MCF2: variants seen among roughly 807,000 people sequenced by gnomAD.
MCF2 encodes the protein proto-oncogene DBL.
In MCF2, 44 loss-of-function variants were observed where a neutral mutation model predicts 82.5. The ratio of observed to expected loss-of-function variants is 0.53; its 90% CI spans 0.42 to 0.69. The LOEUF (loss-of-function observed/expected upper bound fraction) is 0.69, where lower values mean the gene tolerates loss of function less well. Ranked by LOEUF, MCF2 falls within the 30% of genes least tolerant of loss-of-function variation. The probability of loss-of-function intolerance (pLI) is 0.00; values close to 1 mark genes in which losing one functional copy is unlikely to be tolerated. For missense variants in MCF2, 623 were observed against 663.1 expected, an observed-to-expected ratio of 0.94 and a Z score of 0.66; for synonymous variants, 217 against 224.9, an observed-to-expected ratio of 0.96 and a Z score of 0.32.
chrX:139,606,870 G>A (rs971573268), intron 12 of MCF2, among the ~76,000 whole-genome samples: 1 of 109,496 alleles, frequency 9.1e-6, no homozygotes, highest in African/African-American at 3.3e-5. Flanking sequence ...ATAAATATGT[G>A]TCTGTATATA....
intron 10 of MCF2, among the ~76,000 whole-genome samples, chrX:139,612,005 A>G (rs1931532149): frequency 9.0e-6 from 1 of 110,831 alleles, no homozygotes; most frequent in African/African-American, 3.3e-5. Context: ...AGTGGAAGAG[A>G]CAGAAAGACT....
intron 1 of MCF2, among the ~76,000 whole-genome samples, chrX:139,680,398 C>G (rs999368290): frequency 8.9e-6 from 1 of 112,198 alleles, no homozygotes; most frequent in Non-Finnish European, 1.9e-5. Flanking sequence ...TCTCTTCATC[C>G]GACATTTTGA....
At chrX:139,604,605 C>A (rs1012708793) in intron 15 of MCF2, 76 bp downstream of exon 19, 4 of 647,835 alleles carry the variant, frequency 6.2e-6, no homozygotes, top group Non-Finnish European at 9.1e-6. Flanking sequence ...TATCTTGTCT[C>A]CAAATCTGTT....
At chrX:139,616,197 T>A (rs1931875773) in intron 9 of MCF2, 85 bp downstream of exon 12, 1 of 486,811 alleles carries the variant, frequency 2.1e-6, no homozygotes, top group African/African-American at 2.5e-5. Context: ...TAAAGTTAGC[T>A]GTGAGGTAGT....
chrX:139,631,238 T>G, intron 3 of MCF2, among the ~76,000 whole-genome samples, 157 bp downstream of exon 6: 1 of 111,685 alleles, frequency 9.0e-6, no homozygotes, highest in Non-Finnish European at 1.9e-5. Flanking sequence ...ACCAAGATGT[T>G]GAATTTATAT....
intron 1 of MCF2, among the ~76,000 whole-genome samples, chrX:139,661,970 TC>T (rs1813710091): frequency 9.0e-6 from 1 of 111,228 alleles, no homozygotes; most frequent in African/African-American, 3.3e-5. Context: ...CATAGTCACT[TC>T]CCCAAAGGAA....
chrX:139,608,602 G>T (rs143699336), intron 11 of MCF2, among the ~76,000 whole-genome samples: 1,308 of 110,621 alleles, frequency 0.012, 21 homozygotes, highest in African/African-American at 0.04. Flanking sequence ...CATTTCTTTG[G>T]GACAACTAGA....
chrX:139,651,615 AATAGCTCTATAT>A (rs1316982947), intron 2 of MCF2, 93 bp downstream of exon 2: 70 of 427,176 alleles, frequency 1.6e-4, no homozygotes, highest in Non-Finnish European at 2.8e-4. Context: ...GAATATATAT[AATAGCTCTATAT>A]ATAGAGAGCG....
upstream of MCF2, among the ~76,000 whole-genome samples, chrX:139,643,467 G>C (rs1933679015): frequency 1.8e-5 from 2 of 111,586 alleles, no homozygotes; most frequent in South Asian, 7.5e-4. Context: ...TGTAATTAAT[G>C]TGCTCTTGAG....
intron 1 of MCF2, among the ~76,000 whole-genome samples, chrX:139,693,073 G>A (rs1935310599): frequency 9.0e-6 from 1 of 111,498 alleles, no homozygotes; most frequent in Non-Finnish European, 1.9e-5. Context: ...CTCCTTCCTT[G>A]CCCTGAACCC....
intron 17 of MCF2, among the ~76,000 whole-genome samples, chrX:139,598,034 T>G (rs1325442929): frequency 8.9e-6 from 1 of 111,772 alleles, no homozygotes; most frequent in African/African-American, 3.2e-5. Context: ...ACTAGGGGAG[T>G]GCCATTCGCA....
At chrX:139,594,425 A>G (rs1220858748) in intron 19 of MCF2, among the ~76,000 whole-genome samples, 3 of 109,989 alleles carry the variant, frequency 2.7e-5, no homozygotes, top group African/African-American at 1.0e-4. Context: ...AATGCCGCAT[A>G]TCTACAACTA....
chrX:139,588,493 G>GAA, intron 20 of MCF2, 55 bp from the exon 25 acceptor site: 1 of 730,036 alleles, frequency 1.4e-6, no homozygotes, highest in Non-Finnish European at 2.1e-6. Context: ...TTTTAAAAAG[G>GAA]ATGTACTATA....
chrX:139,682,161 G>T (rs1450058503), intron 1 of MCF2, among the ~76,000 whole-genome samples: 1 of 111,537 alleles, frequency 9.0e-6, no homozygotes, highest in African/African-American at 3.3e-5. Context: ...GAGAAAAAAT[G>T]AGAAACAGCT....
At chrX:139,607,425 T>G in intron 12 of MCF2, 1 of 179,564 alleles carries the variant, frequency 5.6e-6, no homozygotes, top group African/African-American at 3.0e-5. Context: ...AATAAAACTT[T>G]TTTTAAGAAT....
chrX:139,626,498 A>G (rs1352993876), intron 5 of MCF2, 125 bp downstream of exon 8: 1 of 752,485 alleles, frequency 1.3e-6, no homozygotes, highest in Non-Finnish European at 2.0e-6. Flanking sequence ...GACAACCTAG[A>G]AATAAGTTCT....
intron 1 of MCF2, among the ~76,000 whole-genome samples, chrX:139,660,882 G>A (rs1192139008): frequency 1.8e-5 from 2 of 111,735 alleles, no homozygotes; most frequent in Admixed American, 9.5e-5. Context: ...GCTAGGTGCT[G>A]TGGCCCATGG....
chrX:139,644,035 A>G (rs747243054), upstream of MCF2, among the ~76,000 whole-genome samples: 5 of 112,086 alleles, frequency 4.5e-5, no homozygotes, highest in African/African-American at 1.6e-4. Context: ...AAGCCCAAGG[A>G]CCAATCCTAA....
At chrX:139,691,640 C>A (rs1265218092) in intron 1 of MCF2, among the ~76,000 whole-genome samples, 1 of 108,860 alleles carries the variant, frequency 9.2e-6, no homozygotes, top group African/African-American at 3.4e-5. Context: ...GAGCTGCACG[C>A]CTGCAGCGCG....
Sources: allele counts gnomAD v4.1 joint callset (sites outside exome capture counted in the v4.1 genomes callset), GRCh38; gene constraint gnomAD v4.1.1; transcripts MANE v1.5; gene names NCBI Gene and HGNC (gene_info 2026-07-23, HGNC 2026-07-21).